The following RCAN1 variants were observed in gnomAD, a reference collection of about 807,000 sequenced individuals.
RCAN1 encodes the protein calcipressin-1.
A neutral mutation model predicts 22.9 loss-of-function variants in RCAN1; 11 were observed. The ratio of observed to expected loss-of-function variants is 0.48; its 90% CI spans 0.30 to 0.79. The LOEUF (loss-of-function observed/expected upper bound fraction) is 0.79, where lower values mean the gene tolerates loss of function less well. Among genes scored for constraint, RCAN1 ranks in the 30% least tolerant of loss-of-function variants. RCAN1 has a pLI of 0.06. For synonymous variants in RCAN1, 136 were observed against 142.3 expected, an observed-to-expected ratio of 0.96 and a Z score of 0.32; for missense variants, 291 against 337.8, an observed-to-expected ratio of 0.86 and a Z score of 1.09.
chr21:34,606,247 G>A (rs1054528191), intron 1 of RCAN1, among the ~76,000 whole-genome samples: 1 of 152,130 alleles, frequency 6.6e-6, no homozygotes, highest in Admixed American at 6.5e-5. Context: ...CAGCACATAG[G>A]CCCCTCCAGC....
chr21:34,525,187 C>T (rs1271832466), intron 1 of RCAN1: 3 of 1,550,410 alleles, frequency 1.9e-6, no homozygotes, highest in South Asian at 1.2e-5. Context: ...CTAGCAAGCG[C>T]GGGGAGGCAC....
chr21:34,543,221 A>T (rs1985995978), intron 1 of RCAN1, among the ~76,000 whole-genome samples: 1 of 152,188 alleles, frequency 6.6e-6, no homozygotes, highest in South Asian at 2.1e-4. Context: ...CCATACATGG[A>T]AGAAGGGACT....
At chr21:34,613,054 A>G (rs1213990552) in intron 1 of RCAN1, among the ~76,000 whole-genome samples, 2 of 152,222 alleles carry the variant, frequency 1.3e-5, no homozygotes, top group African/African-American at 2.4e-5. Context: ...GGAGCTTGAA[A>G]TGTTCCCTGC....
At chr21:34,531,707 C>A (rs1247384871) in intron 1 of RCAN1, among the ~76,000 whole-genome samples, 1 of 152,176 alleles carries the variant, frequency 6.6e-6, no homozygotes, top group African/African-American at 2.4e-5. Context: ...ACATATCCTG[C>A]CAGTGCTGCT....
intron 1 of RCAN1, among the ~76,000 whole-genome samples, chr21:34,583,281 G>A (rs187513701): frequency 1.4e-4 from 21 of 150,288 alleles, no homozygotes; most frequent in Admixed American, 6.7e-4. Flanking sequence ...TGGGTTCAGC[G>A]ATTCTCCTTC....
chr21:34,596,774 T>C (rs1276592199), intron 1 of RCAN1, among the ~76,000 whole-genome samples: 1 of 152,160 alleles, frequency 6.6e-6, no homozygotes, highest in East Asian at 1.9e-4. Flanking sequence ...CTCCCTGCCT[T>C]TATCTTGCGA....
chr21:34,539,596 T>C (rs2123621335), intron 1 of RCAN1, among the ~76,000 whole-genome samples: 1 of 152,356 alleles, frequency 6.6e-6, no homozygotes, highest in South Asian at 2.1e-4. Context: ...CCTCACTAGA[T>C]GCTATATATC....
intron 1 of RCAN1, among the ~76,000 whole-genome samples, chr21:34,601,817 CAAAAAA>C (rs202036960): frequency 2.3e-4 from 19 of 83,362 alleles, no homozygotes; most frequent in Non-Finnish European, 3.8e-4. Context: ...GACTCTGTCT[CAAAAAA>C]AAAAAAAAAA....
At chr21:34,557,756 A>G (rs1601172115) in intron 1 of RCAN1, among the ~76,000 whole-genome samples, 1 of 152,368 alleles carries the variant, frequency 6.6e-6, no homozygotes, top group East Asian at 1.9e-4. Flanking sequence ...TTTAACAGCC[A>G]CTAGTGATGA....
At chr21:34,533,674 T>C (rs184370578) in intron 1 of RCAN1, among the ~76,000 whole-genome samples, 3 of 152,236 alleles carry the variant, frequency 2.0e-5, no homozygotes, top group Non-Finnish European at 2.9e-5. Flanking sequence ...ACAAGATAGA[T>C]GGGTACAATC....
At chr21:34,571,484 T>A (rs995857123) in intron 1 of RCAN1, among the ~76,000 whole-genome samples, 1 of 152,254 alleles carries the variant, frequency 6.6e-6, no homozygotes, top group Non-Finnish European at 1.5e-5. Context: ...TATTAATGTA[T>A]TTTTAATTAA....
chr21:34,518,127 A>C lies in RCAN1; in HGVS notation c.716T>G (p.Ile239Ser). 6.2e-7 allele frequency: 1 copy of C among 1,614,198 alleles called. No homozygotes were observed. The highest frequency in any genetic ancestry group is 8.5e-7 in the Non-Finnish European group (1 of 1,180,040). ...ERMRRPKPKI[I>S]QTRRPEYTPI... is the part of the protein sequence containing the mutation. ...CGTGTACTCCGGCCTCCTGGTCTGG[A>C]TAATTTTTGGCTTAGGTCTCCTCAT... The change falls in exon 4 of 4, where the codon ATC becomes AGC. Residue 239 changes from isoleucine (I) to serine (S), a missense_variant. Transcript: ENST00000313806. The surrounding 1 kb of genome is among the most constrained non-coding windows in gnomAD (Gnocchi z 4.2).
At position 34,614,883 on chromosome 21, in the gene RCAN1, G is replaced by C. The variant is rs748689069; in HGVS notation, c.129C>G (p.Asp43Glu). The C allele has an allele frequency of 1.4e-6, 2 of 1,449,062 alleles. No homozygotes were observed. The highest frequency in any genetic ancestry group is 3.0e-5 in the African/African-American group (2 of 67,326). 89.8% of individuals were successfully genotyped at this position (1,449,062 alleles called of 1,614,324 possible). The change falls in exon 1 of 4, where the codon GAC becomes GAG. Residue 43 changes from aspartate to glutamate, a missense_variant. Physicochemically the swap from Asp to Glu is conservative, Grantham distance 45. Coordinates refer to ENST00000313806, the MANE Select transcript of RCAN1 (RefSeq NM_004414.7). The surrounding 1 kb of genome is among the most constrained non-coding windows in gnomAD (Gnocchi z 6.0). ...FAPLSGAAEA[D>E]EGGGDWSFID... is the part of the protein sequence containing the mutation. ...TGAAGCTCCAGTCGCCGCCGCCCTC[G>C]TCCGCCTCGGCCGCCCCCGAGAGGG...
intron 1 of RCAN1, among the ~76,000 whole-genome samples, chr21:34,547,647 C>A (rs1435724109): frequency 1.3e-5 from 2 of 152,152 alleles, no homozygotes; most frequent in Admixed American, 6.5e-5. Flanking sequence ...GGGCAGAGCC[C>A]TTACAAAGGG....
At chr21:34,525,720 A>G (rs1249822270) in intron 1 of RCAN1, 2 of 185,284 alleles carry the variant, frequency 1.1e-5, no homozygotes, top group Non-Finnish European at 2.2e-5. Flanking sequence ...CCTAGTTATT[A>G]TAGCTTTTGG....
intron 1 of RCAN1, among the ~76,000 whole-genome samples, chr21:34,561,327 T>C (rs1034762361): frequency 1.3e-5 from 2 of 152,196 alleles, no homozygotes; most frequent in African/African-American, 4.8e-5. Context: ...TCCCAAGCTA[T>C]GCAACTTTCT....
At chr21:34,566,299 T>G (rs147505749) in intron 1 of RCAN1, among the ~76,000 whole-genome samples, 1 of 152,168 alleles carries the variant, frequency 6.6e-6, no homozygotes, top group African/African-American at 2.4e-5. Context: ...ATTCCAGGAC[T>G]AGGGTCTGTG....
intron 1 of RCAN1, among the ~76,000 whole-genome samples, chr21:34,531,700 T>C (rs1985397980): frequency 2.6e-5 from 4 of 152,216 alleles, no homozygotes; most frequent in Admixed American, 2.6e-4. Flanking sequence ...TCTTGTCACA[T>C]ATCCTGCCAG....
chr21:34,556,429 A>T (rs376983376), intron 1 of RCAN1, among the ~76,000 whole-genome samples: 1 of 145,546 alleles, frequency 6.9e-6, no homozygotes, highest in Admixed American at 6.9e-5. Context: ...TTGTCTCAAA[A>T]AATAATAATA....
Sources: gnomAD v4.1 joint callset for allele counts (sites outside exome capture counted in the v4.1 genomes callset) on GRCh38, gnomAD v4.1.1 for gene constraint, Gnocchi (gnomAD v3.1) non-coding constraint, MANE v1.5 for transcripts, NCBI Gene and HGNC (gene_info 2026-07-23, HGNC 2026-07-21) for gene names.